Variants in PCP4L1 observed in about 807,000 individuals in gnomAD.
The protein encoded by PCP4L1 is Purkinje cell protein 4 like 1.
A neutral mutation model predicts 9.6 loss-of-function variants in PCP4L1; 9 were observed. The ratio of observed to expected loss-of-function variants is 0.94; its 90% CI spans 0.57 to 1.64. The LOEUF is 1.64. PCP4L1 is among the 40% of genes most tolerant of loss of function. The pLI, the probability that PCP4L1 is intolerant of heterozygous loss-of-function variation, is 0.00. For missense variants in PCP4L1, 81 were observed against 80.8 expected (o/e 1.00, Z -0.01); for synonymous variants, 31 against 28.2 (o/e 1.10, Z -0.31).
At chr1:161,260,590 G>C (rs1669400459) in intron 1 of PCP4L1, among the ~76,000 whole-genome samples, 1 of 152,184 alleles carries the variant, frequency 6.6e-6, no homozygotes, top group East Asian at 1.9e-4. Flanking sequence ...TGTTTTCTGG[G>C]GTAAGTGCAC....
chr1:161,274,372 A>T (rs1449675115), intron 1 of PCP4L1, among the ~76,000 whole-genome samples: 1 of 151,978 alleles, frequency 6.6e-6, no homozygotes, highest in Admixed American at 6.6e-5. Flanking sequence ...TCTCAAAAAA[A>T]AGAAAAGGAG....
At chr1:161,271,721 C>A (rs1260475256) in intron 1 of PCP4L1, among the ~76,000 whole-genome samples, 1 of 152,174 alleles carries the variant, frequency 6.6e-6, no homozygotes, top group Non-Finnish European at 1.5e-5. Context: ...CCAGGCTGGT[C>A]TCCAATGCCT....
chr1:161,279,901 T>C (rs1669765572), intron 1 of PCP4L1, among the ~76,000 whole-genome samples: 1 of 152,140 alleles, frequency 6.6e-6, no homozygotes, highest in South Asian at 2.1e-4. Flanking sequence ...ACTCCTGGGC[T>C]CAAGGGATCC....
At chr1:161,282,115 A>G (rs7530689) in intron 1 of PCP4L1, among the ~76,000 whole-genome samples, 69,298 of 151,590 alleles carry the variant, frequency 0.46, 16,233 homozygotes, top group East Asian at 0.63. Flanking sequence ...CTGAGTGAAC[A>G]AGACTCCGTC....
At position 161,258,990 on chromosome 1, in the gene PCP4L1, G is replaced by C. The variant is rs1198278987; in HGVS notation, c.9+7G>C. 2 of 1,532,342 alleles carry C rather than the reference G, an allele frequency of 1.3e-6. No homozygotes were observed. Among genetic ancestry groups the C allele is most frequent in the Admixed American group, 2.0e-5 (1 of 50,874 alleles). 94.9% of individuals were successfully genotyped at this position (1,532,342 alleles called of 1,614,324 possible). A position where few individuals can be genotyped will look rare whatever the true frequency, so the allele number is the denominator to read the frequency against. ...GGCTGCGGAGATGAGCGAGGTGAGC[G>C]GTGCGGCCCCCGGCGCTGTCGGCAG... On this transcript the variant is annotated splice_region_variant and intron_variant, in intron 1 of 2. Coordinates refer to ENST00000504449, the MANE Select transcript of PCP4L1 (RefSeq NM_001102566.2).
chr1:161,259,364 G>GGGAT (rs1345147264), intron 1 of PCP4L1, among the ~76,000 whole-genome samples: 1 of 152,038 alleles, frequency 6.6e-6, no homozygotes, highest in Non-Finnish European at 1.5e-5. Context: ...CTCTCTCCTA[G>GGGAT]GGATGTAAGG....
intron 1 of PCP4L1, among the ~76,000 whole-genome samples, chr1:161,268,901 G>A (rs1341964617): frequency 2.0e-5 from 3 of 152,102 alleles, no homozygotes; most frequent in African/African-American, 7.2e-5. Context: ...AGCGATCTGA[G>A]CACAGCAAAG....
chr1:161,271,910 C>T (rs569208509), intron 1 of PCP4L1, among the ~76,000 whole-genome samples: 5 of 151,946 alleles, frequency 3.3e-5, no homozygotes, highest in East Asian at 3.9e-4. Flanking sequence ...TTCTAGTGAT[C>T]GATCCTCATA....
intron 1 of PCP4L1, among the ~76,000 whole-genome samples, chr1:161,267,410 A>G (rs141244508): frequency 1.3e-5 from 2 of 152,348 alleles, no homozygotes; most frequent in Admixed American, 1.3e-4. Flanking sequence ...CTCTTTAAAG[A>G]GCCCAGTGGG....
At position 161,281,794 on chromosome 1, in the gene PCP4L1, GCGGGGCAGAGGCGC is replaced by G. The variant is rs1333770894; in HGVS notation, c.10-1873_10-1860del. On this transcript the variant is annotated intron_variant, in intron 1 of 2. Coordinates refer to ENST00000504449, the MANE Select transcript of PCP4L1 (RefSeq NM_001102566.2). ...CGCTCCTCACATCCCGGACGGGGCGGCGGGGCAGAGGCGCTCCTCACATCCCGGACGGGGCGGCG... is the reference window on the plus strand; with the variant it reads ...CGCTCCTCACATCCCGGACGGGGCGGTCCTCACATCCCGGACGGGGCGGCG... Among the ~76,000 whole-genome samples, 28 of 25,374 alleles carry G rather than the reference GCGGGGCAGAGGCGC, an allele frequency of 1.1e-3. 1 individual carries two copies. In the African/African-American group the frequency reaches 0.011, roughly 10 times the overall value. 16.6% of individuals were successfully genotyped at this position (25,374 alleles called of 152,430 possible). A position where few individuals can be genotyped will look rare whatever the true frequency, so the allele number is the denominator to read the frequency against.
At chr1:161,277,061 T>C (rs1669712476) in intron 1 of PCP4L1, among the ~76,000 whole-genome samples, 1 of 152,156 alleles carries the variant, frequency 6.6e-6, no homozygotes, top group South Asian at 2.1e-4. Flanking sequence ...GAGACCAACC[T>C]GGGCAGCATA....
At chr1:161,275,019 G>A (rs1197791011) in intron 1 of PCP4L1, among the ~76,000 whole-genome samples, 1 of 152,076 alleles carries the variant, frequency 6.6e-6, no homozygotes, top group East Asian at 1.9e-4. Flanking sequence ...CGGGGGGTGG[G>A]GGGACCAGAT....
intron 2 of PCP4L1, 142 bp from the exon 3 acceptor site, chr1:161,284,197 A>T: frequency 2.0e-6 from 2 of 979,958 alleles, no homozygotes; most frequent in South Asian, 1.7e-5. Flanking sequence ...GGGAATTATC[A>T]GGCATTCATA....
Position 161,284,614 on chromosome 1 carries a change from C to A in PCP4L1, c.*133C>A. On this transcript the variant is annotated 3_prime_UTR_variant, in exon 3 of 3. Transcript: ENST00000504449. Reference sequence around the variant, plus strand: ...GTTCAACCTTTATATACTCTTGTATCTGGCCCCCTCAAGCCATCACAGAAG... The same window carrying A: ...GTTCAACCTTTATATACTCTTGTATATGGCCCCCTCAAGCCATCACAGAAG... 2 of 1,223,290 alleles carry A rather than the reference C, an allele frequency of 1.6e-6. No homozygotes were observed. The highest frequency in any genetic ancestry group is 2.3e-6 in the Non-Finnish European group (2 of 886,262). 75.8% of individuals were successfully genotyped at this position (1,223,290 alleles called of 1,614,324 possible).
intron 1 of PCP4L1, among the ~76,000 whole-genome samples, chr1:161,281,066 G>T (rs1005259132): frequency 3.3e-5 from 5 of 152,132 alleles, no homozygotes; most frequent in Non-Finnish European, 7.3e-5. Context: ...CTGCCTTCAA[G>T]AATCTGTTTA....
Position 161,284,525 on chromosome 1 carries a change from T to C in PCP4L1, c.*44T>C, listed in dbSNP as rs1318417965. The C allele has an allele frequency of 6.3e-7, 1 of 1,589,066 alleles. No homozygotes were observed. The highest frequency in any genetic ancestry group is 1.1e-5 in the South Asian group (1 of 87,944). ...CACCTTCACCTTCATGCTGGTCCCTTCTCTCCCCTTCTCCACACCCATGTA... is the reference window on the plus strand; with the variant it reads ...CACCTTCACCTTCATGCTGGTCCCTCCTCTCCCCTTCTCCACACCCATGTA... On this transcript the variant is annotated 3_prime_UTR_variant, in exon 3 of 3. Coordinates refer to ENST00000504449, the MANE Select transcript of PCP4L1 (RefSeq NM_001102566.2).
chr1:161,272,659 A>C (rs1423317721), intron 1 of PCP4L1, among the ~76,000 whole-genome samples: 1 of 151,800 alleles, frequency 6.6e-6, no homozygotes, highest in Non-Finnish European at 1.5e-5. Flanking sequence ...AAAGAAATTC[A>C]GGTTGAGGGA....
chr1:161,267,708 G>GTTTTGT (rs10641284), intron 1 of PCP4L1, among the ~76,000 whole-genome samples: 48,251 of 133,856 alleles, frequency 0.36, 8,058 homozygotes, highest in African/African-American at 0.46. Flanking sequence ...ACAATACTAT[G>GTTTTGT]TTTTGTTTTT....
chr1:161,270,042 A>T (rs769786925), intron 1 of PCP4L1, among the ~76,000 whole-genome samples: 1 of 150,392 alleles, frequency 6.6e-6, no homozygotes, highest in Non-Finnish European at 1.5e-5. Context: ...CACGCCTGTA[A>T]TCCTAGCATT....
Sources: allele counts gnomAD v4.1 joint callset (sites outside exome capture counted in the v4.1 genomes callset), GRCh38; gene constraint gnomAD v4.1.1; transcripts MANE v1.5; gene names NCBI Gene and HGNC (gene_info 2026-07-23, HGNC 2026-07-21).